TDRD9: variants seen among roughly 807,000 people sequenced by gnomAD.
The protein encoded by TDRD9 is ATP-dependent RNA helicase TDRD9.
Under a neutral mutation model 172.6 loss-of-function variants are expected in TDRD9, and 124 were observed. The observed-to-expected ratio is 0.72, with a 90% CI of 0.62 to 0.83. TDRD9 has a LOEUF of 0.83. Among genes scored for constraint, TDRD9 ranks in the 40% least tolerant of loss-of-function variants. TDRD9 has a pLI of 0.00. For missense variants in TDRD9, 1,479 were observed against 1,714.1 expected, an observed-to-expected ratio of 0.86 and a Z score of 2.42; for synonymous variants, 619 against 617.1, an observed-to-expected ratio of 1.00 and a Z score of -0.05.
At chr14:103,972,144 C>T (rs1258515777) in intron 6 of TDRD9, among the ~76,000 whole-genome samples, 1 of 150,994 alleles carries the variant, frequency 6.6e-6, no homozygotes, top group African/African-American at 2.4e-5. Context: ...ACAGATGAGA[C>T]CCTGTCTCAA....
At chr14:103,971,276 C>T (rs1204327130) in intron 6 of TDRD9, among the ~76,000 whole-genome samples, 1 of 151,288 alleles carries the variant, frequency 6.6e-6, no homozygotes, top group Non-Finnish European at 1.5e-5. Flanking sequence ...AGCCACCGCG[C>T]CTGGCCCAGG....
chr14:104,020,418 G>A (rs999335956), intron 23 of TDRD9, among the ~76,000 whole-genome samples: 1 of 152,166 alleles, frequency 6.6e-6, no homozygotes, highest in Non-Finnish European at 1.5e-5. Flanking sequence ...AGTGAGAGGA[G>A]CCCAAGAGCA....
chr14:104,026,158 G>A (rs778473429), intron 27 of TDRD9, 22 bp downstream of exon 27: 4 of 1,468,198 alleles, frequency 2.7e-6, no homozygotes. Flanking sequence ...AAGACTCTAG[G>A]GAATGAATGC....
chr14:104,007,187 G>T lies in TDRD9; in HGVS notation c.2035G>T (p.Glu679Ter). 6.2e-7 allele frequency: 1 copy of T among 1,613,930 alleles called. No individual in the cohort carries two copies. Among genetic ancestry groups the T allele is most frequent in the East Asian group, 2.2e-5 (1 of 44,876 alleles). The change falls in exon 19 of 36, where the codon GAG becomes TAG. Residue 679 changes from glutamate (E) to a stop codon, truncating the protein, a stop_gained. Coordinates refer to ENST00000409874, the MANE Select transcript of TDRD9 (RefSeq NM_153046.3). LOFTEE classifies it high-confidence loss of function. ...KTWKACRQTG[E>*]LRYPKDELNW... ...ATGGAAGGCTTGCAGACAGACAGGG[G>T]AGCTGCGGTACCCGAAGGTTGGTGA...
intron 8 of TDRD9, 140 bp from the exon 9 acceptor site, chr14:103,991,020 T>C: frequency 1.0e-6 from 1 of 989,680 alleles, no homozygotes; most frequent in Non-Finnish European, 1.5e-6. Flanking sequence ...CTTCGTGTTT[T>C]CTTATGTAAA....
intron 11 of TDRD9, among the ~76,000 whole-genome samples, chr14:103,994,899 C>T (rs985366383): frequency 6.7e-6 from 1 of 149,844 alleles, no homozygotes; most frequent in African/African-American, 2.5e-5. Flanking sequence ...TGCAGTGACC[C>T]GAGATCACAC....
intron 20 of TDRD9, among the ~76,000 whole-genome samples, chr14:104,013,101 A>G (rs1334184014): frequency 6.6e-6 from 1 of 151,986 alleles, no homozygotes. Flanking sequence ...TCCTCCCTCC[A>G]CAGAGATAGT....
At chr14:104,022,036 TGAA>T (rs1306887983) in intron 23 of TDRD9, 118 bp from the exon 24 acceptor site, 2 of 709,098 alleles carry the variant, frequency 2.8e-6, no homozygotes, top group Non-Finnish European at 4.8e-6. Context: ...AATTATAAAT[TGAA>T]GAGTTACTGG....
rs1260143003 is a variant in TDRD9, at chr14:104,035,018, T to C, written c.3678T>C (p.Ala1226=). ...SLMPHIPGLP[A]LLSMLFAPVI... ...TGCCTCATATCCCTGGCCTCCCGGC[T>C]CTCCTCAGCATGTTATTCGCACCGG... is the stretch of plus-strand genomic sequence containing the variant. Residue 1226 remains alanine (A), a synonymous_variant, in exon 32 of 36, where the codon GCT becomes GCC. Coordinates refer to ENST00000409874, the MANE Select transcript of TDRD9 (RefSeq NM_153046.3). The C allele has an allele frequency of 6.4e-7, 1 of 1,551,758 alleles. No homozygotes were observed. The highest frequency in any genetic ancestry group is 8.7e-7 in the Non-Finnish European group (1 of 1,146,974).
rs757356873 is a variant in TDRD9, at chr14:104,014,856, C to G, written c.2223+15C>G. Reference sequence around the variant, plus strand: ...TCATCCTACAGGTGTGCTGAAGTTTCCTGGATATTTTTTTTCCTGATTCTT... The same window carrying G: ...TCATCCTACAGGTGTGCTGAAGTTTGCTGGATATTTTTTTTCCTGATTCTT... On this transcript the variant is annotated intron_variant, in intron 21 of 35. Coordinates refer to ENST00000409874, the MANE Select transcript of TDRD9 (RefSeq NM_153046.3). 6.8e-7 allele frequency: 1 copy of G among 1,468,076 alleles called. No individual in the cohort carries two copies. Among genetic ancestry groups the G allele is most frequent in the South Asian group, 1.2e-5 (1 of 83,164 alleles). The allele number at this position is 1,468,076 out of a possible 1,614,324, so 90.9% of individuals were successfully genotyped here.
chr14:103,996,586 G>C (rs2034067475), intron 12 of TDRD9, among the ~76,000 whole-genome samples: 1 of 152,176 alleles, frequency 6.6e-6, no homozygotes, highest in African/African-American at 2.4e-5. Flanking sequence ...AAAGGTGGCT[G>C]GGGTGTAGGG....
chr14:103,979,939 G>A (rs111479767), intron 7 of TDRD9, among the ~76,000 whole-genome samples: 1,727 of 151,034 alleles, frequency 0.011, 41 homozygotes, highest in African/African-American at 0.04. Context: ...GCATTGGTGC[G>A]ATCATAGCTC....
chr14:103,990,392 A>G (rs2033824425), intron 8 of TDRD9, among the ~76,000 whole-genome samples: 1 of 152,218 alleles, frequency 6.6e-6, no homozygotes, highest in Non-Finnish European at 1.5e-5. Context: ...GTTCCCAGGC[A>G]TTGCCTGGAT....
intron 2 of TDRD9, among the ~76,000 whole-genome samples, chr14:103,961,074 C>G (rs1215340325): frequency 4.6e-5 from 7 of 152,188 alleles, no homozygotes; most frequent in Non-Finnish European, 1.0e-4. Context: ...GGCCTTCTTT[C>G]TCTCAGTCCA....
chr14:104,046,156 C>T (rs1210057395), intron 34 of TDRD9, among the ~76,000 whole-genome samples: 2 of 152,134 alleles, frequency 1.3e-5, no homozygotes, highest in African/African-American at 4.8e-5. Context: ...GGGGTTTCAC[C>T]ATGTTGGCCA....
rs117227539 is a variant in TDRD9, at chr14:104,024,219, G to A, written c.2607-350G>A. Among the ~76,000 whole-genome samples, 1,132 of 152,276 alleles carry A rather than the reference G, an allele frequency of 7.4e-3. 5 individuals carry two copies. The highest frequency in any genetic ancestry group is 0.012 in the Non-Finnish European group (794 of 68,016). On this transcript the variant is annotated intron_variant, in intron 24 of 35. Coordinates refer to ENST00000409874, the MANE Select transcript of TDRD9 (RefSeq NM_153046.3). Reference sequence around the variant, plus strand: ...TTGAAAACACAAGTTAGGAAACACTGCAGATAATTCTAAATCTCAGACCTT... The same window carrying A: ...TTGAAAACACAAGTTAGGAAACACTACAGATAATTCTAAATCTCAGACCTT...
At chr14:103,948,301 G>A (rs1477030609) in intron 1 of TDRD9, among the ~76,000 whole-genome samples, 1 of 152,172 alleles carries the variant, frequency 6.6e-6, no homozygotes, top group Non-Finnish European at 1.5e-5. Context: ...ATAGGCATGA[G>A]TCATTGCACC....
At chr14:103,978,785 T>G (rs1334927710) in intron 7 of TDRD9, among the ~76,000 whole-genome samples, 1 of 152,216 alleles carries the variant, frequency 6.6e-6, no homozygotes, top group African/African-American at 2.4e-5. Context: ...TTTAATGTTT[T>G]TTTTAATTAA....
chr14:103,960,263 TA>T (rs1210881613), intron 2 of TDRD9, among the ~76,000 whole-genome samples: 3 of 152,234 alleles, frequency 2.0e-5, no homozygotes, highest in Non-Finnish European at 4.4e-5. Flanking sequence ...ACTTACCAGT[TA>T]AAATTCCTTA....
Sources: gnomAD v4.1 joint callset for allele counts (sites outside exome capture counted in the v4.1 genomes callset) on GRCh38, gnomAD v4.1.1 for gene constraint, MANE v1.5 for transcripts, NCBI Gene and HGNC (gene_info 2026-07-23, HGNC 2026-07-21) for gene names.